The following CNTN5 variants were observed in gnomAD, a reference collection of about 807,000 sequenced individuals.
CNTN5 encodes contactin 5, also known as contactin-5.
CNTN5 carries 77 observed loss-of-function variants against 129.1 expected under a neutral mutation model. That is an observed-to-expected ratio of 0.60 (90% CI 0.50 to 0.72). The LOEUF (loss-of-function observed/expected upper bound fraction) is 0.72, where lower values mean the gene tolerates loss of function less well. CNTN5 is among the 30% of genes least tolerant of loss of function. The pLI is 0.00. For missense variants in CNTN5, 1,478 were observed against 1,328.8 expected, an observed-to-expected ratio of 1.11 and a Z score of -1.75; for synonymous variants, 509 against 465.6, an observed-to-expected ratio of 1.09 and a Z score of -1.20.
chr11:99,077,567 A>G (rs969576745), intron 1 of CNTN5, among the ~76,000 whole-genome samples: 3 of 152,206 alleles, frequency 2.0e-5, no homozygotes, highest in Non-Finnish European at 2.9e-5. Flanking sequence ...ATACAAAATC[A>G]CAGGTGAACT....
chr11:99,182,453 A>AT (rs35599171), intron 1 of CNTN5, among the ~76,000 whole-genome samples: 29,847 of 151,210 alleles, frequency 0.2, 3,113 homozygotes, highest in Non-Finnish European at 0.23. Flanking sequence ...ATACACAGGC[A>AT]TTTTTTTTTC....
chr11:99,527,026 T>C (rs1565262240), intron 2 of CNTN5, among the ~76,000 whole-genome samples: 3 of 152,332 alleles, frequency 2.0e-5, no homozygotes, highest in Admixed American at 1.3e-4. Context: ...TTTGTGCTCA[T>C]TGTAAGCCTG....
intron 3 of CNTN5, among the ~76,000 whole-genome samples, chr11:99,579,300 C>T (rs1949484156): frequency 6.6e-6 from 1 of 150,632 alleles, no homozygotes; most frequent in Admixed American, 6.6e-5. Flanking sequence ...TTAGGATTGA[C>T]TTGGCGATGT....
chr11:99,464,290 A>G (rs760784193), intron 2 of CNTN5, among the ~76,000 whole-genome samples: 1 of 152,176 alleles, frequency 6.6e-6, no homozygotes, highest in Non-Finnish European at 1.5e-5. Flanking sequence ...ATCCAGGGGA[A>G]TTGGGGATAA....
chr11:99,384,471 C>T (rs1290139977), intron 2 of CNTN5, among the ~76,000 whole-genome samples: 1 of 152,146 alleles, frequency 6.6e-6, no homozygotes, highest in Non-Finnish European at 1.5e-5. Context: ...AGGTGAATTT[C>T]ACCCCCAACC....
chr11:99,470,746 G>A (rs1379939945), intron 2 of CNTN5, among the ~76,000 whole-genome samples: 1 of 151,906 alleles, frequency 6.6e-6, no homozygotes, highest in South Asian at 2.1e-4. Flanking sequence ...CAATATATAA[G>A]CTCAGTCTTG....
At chr11:99,239,913 GGCGACAGA>G (rs1861459628) in intron 1 of CNTN5, among the ~76,000 whole-genome samples, 1 of 150,048 alleles carries the variant, frequency 6.7e-6, no homozygotes, top group African/African-American at 2.5e-5. Context: ...CTCCAGCCTG[GGCGACAGA>G]GCGAGACTCC....
At chr11:99,282,638 C>T (rs1400210800) in intron 1 of CNTN5, among the ~76,000 whole-genome samples, 1 of 151,958 alleles carries the variant, frequency 6.6e-6, no homozygotes, top group Non-Finnish European at 1.5e-5. Context: ...ACATTAAATC[C>T]TCGAATAAAT....
intron 2 of CNTN5, among the ~76,000 whole-genome samples, chr11:99,414,663 T>C (rs1302891679): frequency 6.6e-6 from 1 of 152,154 alleles, no homozygotes; most frequent in Non-Finnish European, 1.5e-5. Context: ...TAAAATGACA[T>C]CTGAGCAGGA....
chr11:99,529,085 A>AAG (rs1381629859), intron 2 of CNTN5, among the ~76,000 whole-genome samples: 1 of 152,060 alleles, frequency 6.6e-6, no homozygotes, highest in African/African-American at 2.4e-5. Flanking sequence ...CAAAAAACAA[A>AAG]CAAACAAACA....
In CNTN5 at chr11:99,916,083, A is replaced by C; in HGVS notation, c.607A>C (p.Ser203Arg). Residue 203 changes from serine (S) to arginine (R), a missense_variant, in exon 7 of 25, where the codon AGT becomes CGT. Ser to Arg is a moderately radical substitution (Grantham distance 110). Coordinates refer to ENST00000524871, the MANE Select transcript of CNTN5 (RefSeq NM_014361.4). ...YLGNFSGRTR[S>R]AVSVREGQGV... ...GGGAAATTTTAGTGGCCGGACAAGA[A>C]GTGCAGTCTCTGTGAGGGAAGGCCA... 1 of 1,612,512 alleles carries C rather than the reference A, an allele frequency of 6.2e-7. No individual in the cohort carries two copies. The highest frequency in any genetic ancestry group is 8.5e-7 in the Non-Finnish European group (1 of 1,179,242).
intron 3 of CNTN5, among the ~76,000 whole-genome samples, chr11:99,784,912 G>C (rs752210735): frequency 2.8e-5 from 4 of 145,336 alleles, no homozygotes; most frequent in Non-Finnish European, 4.5e-5. Flanking sequence ...CCATTCTTCT[G>C]CCTCAGCCTC....
At chr11:99,989,093 A>G (rs1938883745) in intron 8 of CNTN5, among the ~76,000 whole-genome samples, 1 of 152,182 alleles carries the variant, frequency 6.6e-6, no homozygotes, top group African/African-American at 2.4e-5. Context: ...TTAATCTGCT[A>G]GACTTAAATG....
intron 8 of CNTN5, among the ~76,000 whole-genome samples, chr11:99,971,409 G>A (rs1025576632): frequency 3.9e-5 from 6 of 152,042 alleles, no homozygotes; most frequent in Middle Eastern, 3.4e-3. Flanking sequence ...TGGGCGTGGT[G>A]GTGCGCGCCT....
At chr11:99,662,440 C>G (rs1469764676) in intron 3 of CNTN5, among the ~76,000 whole-genome samples, 1 of 152,032 alleles carries the variant, frequency 6.6e-6, no homozygotes, top group Non-Finnish European at 1.5e-5. Context: ...TTAAAACAAG[C>G]TAGATAAAAG....
chr11:100,002,251 A>G (rs1939921978), intron 9 of CNTN5, 115 bp downstream of exon 9: 1 of 613,664 alleles, frequency 1.6e-6, no homozygotes, highest in South Asian at 2.8e-5. Flanking sequence ...CATGGTGGCT[A>G]TTTATTTTCT....
intron 21 of CNTN5, chr11:100,337,251 A>T (rs1952055911): frequency 6.6e-7 from 1 of 1,503,784 alleles, no homozygotes; most frequent in South Asian, 1.1e-5. Context: ...GCCACCTGAG[A>T]TCTTTTCAGA....
At chr11:99,244,117 T>G (rs1861703823) in intron 1 of CNTN5, among the ~76,000 whole-genome samples, 1 of 152,212 alleles carries the variant, frequency 6.6e-6, no homozygotes, top group Non-Finnish European at 1.5e-5. Flanking sequence ...TTTTTCCATT[T>G]GTTTGTGTCA....
chr11:99,486,832 A>G (rs1014131167), intron 2 of CNTN5, among the ~76,000 whole-genome samples: 2 of 152,218 alleles, frequency 1.3e-5, no homozygotes, highest in African/African-American at 4.8e-5. Context: ...AGGAATGATG[A>G]CATAGATCTA....
Sources: allele counts gnomAD v4.1 joint callset (sites outside exome capture counted in the v4.1 genomes callset), GRCh38; gene constraint gnomAD v4.1.1; transcripts MANE v1.5; gene names NCBI Gene and HGNC (gene_info 2026-07-23, HGNC 2026-07-21).